CRYM: variants seen among roughly 807,000 people sequenced by gnomAD.
The protein encoded by CRYM is crystallin mu.
In CRYM, 18 loss-of-function variants were observed where a neutral mutation model predicts 32.9. That is an observed-to-expected ratio of 0.55 (90% CI 0.38 to 0.81). The LOEUF (loss-of-function observed/expected upper bound fraction) is 0.81. Among genes scored for constraint, CRYM ranks in the 30% least tolerant of loss-of-function variants. The pLI is 0.00. For synonymous variants in CRYM, 153 were observed against 152.4 expected (o/e 1.00, Z -0.03); for missense variants, 337 against 393.5 (o/e 0.86, Z 1.21).
intron 1 of CRYM, among the ~76,000 whole-genome samples, chr16:21,284,457 A>T (rs1258945404): frequency 1.3e-5 from 2 of 151,952 alleles, no homozygotes; most frequent in African/African-American, 4.8e-5. Context: ...TAAACCCTGT[A>T]CTCATTCAGT....
In CRYM at chr16:21,286,954, G is replaced by A. The variant is rs575116597; in HGVS notation, c.-192-7994C>T. ...AAATACAAAAAATTAGCTGGGCGTG[G>A]TGGTGGGCGCCTGTAGTCCCAGCTA... On this transcript the variant is annotated intron_variant, in intron 1 of 9. Coordinates refer to the CRYM transcript ENST00000219599. 1.4e-4 allele frequency among the ~76,000 whole-genome samples: 21 copies of A among 152,192 alleles called. No homozygotes were observed. The East Asian group carries it at 4.1e-3, about 30-fold the overall frequency.
rs2093390447 is a variant in CRYM, at chr16:21,277,992, C to T, written c.170+90G>A. The T allele has an allele frequency of 1.4e-6, 2 of 1,405,498 alleles. No individual in the cohort carries two copies. Among genetic ancestry groups the T allele is most frequent in the African/African-American group, 1.4e-5 (1 of 70,668 alleles). 87.1% of individuals were successfully genotyped at this position (1,405,498 alleles called of 1,614,324 possible). On this transcript the variant is annotated intron_variant, in intron 1 of 7. Transcript: ENST00000572914. The surrounding 1 kb of genome is among the most constrained non-coding windows in gnomAD (Gnocchi z 4.2). ...TGTTAGCAACGGTTAGGCAAGCCGT[C>T]TCTTCCCTTCTCCCACCCCTCCTCT...
At chr16:21,294,329 AATT>A (rs986500668) in intron 1 of CRYM, among the ~76,000 whole-genome samples, 3 of 152,032 alleles carry the variant, frequency 2.0e-5, no homozygotes, top group African/African-American at 7.2e-5. Flanking sequence ...TTTATTCGCA[AATT>A]ATTATTATTT....
At chr16:21,280,543 T>C (rs555313073), upstream of CRYM, among the ~76,000 whole-genome samples, 1 of 152,286 alleles carries the variant, frequency 6.6e-6, no homozygotes, top group African/African-American at 2.4e-5. Flanking sequence ...CTCTCCCTTT[T>C]AGAGTTTAGA....
At chr16:21,288,376 G>T (rs2093410827) in intron 1 of CRYM, among the ~76,000 whole-genome samples, 1 of 152,130 alleles carries the variant, frequency 6.6e-6, no homozygotes, top group Non-Finnish European at 1.5e-5. Context: ...TCTAGGTTAT[G>T]AATTGTGTCC....
chr16:21,278,435 C>G, upstream of CRYM: 1 of 691,548 alleles, frequency 1.4e-6, no homozygotes, highest in East Asian at 2.7e-5. Context: ...ACCTCGACCC[C>G]TAAGGGTGGG....
chr16:21,267,811 G>T, intron 4 of CRYM, 74 bp from the exon 5 acceptor site: 1 of 1,487,276 alleles, frequency 6.7e-7, no homozygotes, highest in Admixed American at 1.7e-5. Context: ...CCAGGGATGC[G>T]GAGGGAAAGT....
chr16:21,262,305 A>T, intron 5 of CRYM, 147 bp from the exon 6 acceptor site: 1 of 937,708 alleles, frequency 1.1e-6, no homozygotes, highest in Non-Finnish European at 1.7e-6. Flanking sequence ...TGCTCTCCCA[A>T]TCAGTAGGAC....
chr16:21,302,258 C>G (rs1193648722), intron 1 of CRYM, among the ~76,000 whole-genome samples: 1 of 152,208 alleles, frequency 6.6e-6, no homozygotes, highest in Admixed American at 6.5e-5. Context: ...CTCTAAGCCT[C>G]CATTTCCTAA....
rs77643324 is a variant in CRYM at position 21,266,483 on chromosome 16, G to T, written c.673+1071C>A. 0.025 allele frequency among the ~76,000 whole-genome samples: 3,733 copies of T among 152,164 alleles called. 327 individuals carry two copies. In the East Asian group the frequency reaches 0.33, roughly 14 times the overall value. ...CTATAACACCCAGGGCCATCTGAAG[G>T]TCTACAGAGGCCCCAGGCACCCTCA... On this transcript the variant is annotated intron_variant, in intron 5 of 7. Transcript: ENST00000572914.
At chr16:21,258,996 TTCAA>T (rs1469959249) in intron 7 of CRYM, 151 bp from the exon 8 acceptor site, 1 of 679,098 alleles carries the variant, frequency 1.5e-6, no homozygotes, top group Non-Finnish European at 2.6e-6. Flanking sequence ...GAGCTCAGGC[TTCAA>T]TTGTCTGCAA....
In CRYM at chr16:21,262,070, G is replaced by C; in HGVS notation, c.762C>G (p.Ala254=). ...GCAGGACATCTCCAGACTCCTTCAG[G>C]GCAGCCTCCTGGGAATCCACGTACA... ...AVLYVDSQEA[A]LKESGDVLLS... The change falls in exon 6 of 8, where the codon GCC becomes GCG. Residue 254 remains alanine, a synonymous_variant. Coordinates refer to ENST00000572914, the MANE Select transcript of CRYM (RefSeq NM_001376256.1). 5 of 1,614,032 alleles carry C rather than the reference G, an allele frequency of 3.1e-6. No individual in the cohort carries two copies. The highest frequency in any genetic ancestry group is 4.2e-6 in the Non-Finnish European group (5 of 1,179,980).
chr16:21,302,071 A>ACACACACACACC (rs1320226807), intron 1 of CRYM, among the ~76,000 whole-genome samples: 1 of 152,172 alleles, frequency 6.6e-6, no homozygotes, highest in African/African-American at 2.4e-5. Context: ...CCCCCCGCCA[A>ACACACACACACC]CACACACACA....
rs1456904449 is a variant in CRYM, at chr16:21,302,411, A to G, written c.-193+567T>C. ...CTGTGGAAGTTCAGTGATTATAGGT[A>G]GTTTAATTTGTCTTAGTTTTCCTTT... On this transcript the variant is annotated intron_variant, in intron 1 of 9. Coordinates refer to the CRYM transcript ENST00000219599. Among the ~76,000 whole-genome samples, 8 of 152,384 alleles carry G rather than the reference A, an allele frequency of 5.2e-5. No homozygotes were observed. The East Asian group carries it at 1.3e-3, about 26-fold the overall frequency.
At chr16:21,272,050 A>G (rs1382122249) in intron 3 of CRYM, among the ~76,000 whole-genome samples, 1 of 146,912 alleles carries the variant, frequency 6.8e-6, no homozygotes, top group Non-Finnish European at 1.5e-5. Flanking sequence ...TTTGGTAAAG[A>G]TGGGGTTTCG....
intron 1 of CRYM, among the ~76,000 whole-genome samples, chr16:21,289,764 C>A (rs1960572626): frequency 1.3e-5 from 2 of 151,940 alleles, no homozygotes. Flanking sequence ...TGGCCCTGCC[C>A]ACATCCTGCT....
intron 7 of CRYM, among the ~76,000 whole-genome samples, chr16:21,259,075 T>C (rs1282341478): frequency 6.6e-6 from 1 of 151,864 alleles, no homozygotes. Flanking sequence ...TAAATCTAGC[T>C]CAGGGCTGAG....
At chr16:21,281,100 CT>C (rs2093397181), upstream of CRYM, among the ~76,000 whole-genome samples, 1 of 129,836 alleles carries the variant, frequency 7.7e-6, no homozygotes, top group Non-Finnish European at 1.6e-5. Context: ...GTGATTCTCT[CT>C]CTCTCTCACT....
rs2093384515 is a variant in CRYM, at chr16:21,275,529, T to C, written c.387+3A>G. ...TAATGGTACAGCCAGCCATTCATCT[T>C]ACCTTGGTGGCAATGGCAGAAACTG... On this transcript the variant is annotated splice_donor_region_variant and intron_variant, in intron 3 of 7. Transcript: ENST00000572914. 1 of 1,613,286 alleles carries C rather than the reference T, an allele frequency of 6.2e-7. No homozygotes were observed. Among genetic ancestry groups the C allele is most frequent in the South Asian group, 1.1e-5 (1 of 91,074 alleles).
Sources: gnomAD v4.1 joint callset for allele counts (sites outside exome capture counted in the v4.1 genomes callset) on GRCh38, gnomAD v4.1.1 for gene constraint, Gnocchi (gnomAD v3.1) non-coding constraint, MANE v1.5 for transcripts, NCBI Gene and HGNC (gene_info 2026-07-23, HGNC 2026-07-21) for gene names.